The following NPAS3 variants were observed in gnomAD, a reference collection of about 807,000 sequenced individuals.
NPAS3 encodes the protein neuronal PAS domain protein 3.
Under a neutral mutation model 73.1 loss-of-function variants are expected in NPAS3, and 14 were observed. That is an observed-to-expected ratio of 0.19 (90% CI 0.13 to 0.30). The LOEUF (loss-of-function observed/expected upper bound fraction) is 0.30. Among genes scored for constraint, NPAS3 ranks in the 10% least tolerant of loss-of-function variants. NPAS3 has a pLI of 1.00. For synonymous variants in NPAS3, 620 were observed against 541.5 expected, an observed-to-expected ratio of 1.14 and a Z score of -2.01; for missense variants, 1,096 against 1,250.0, an observed-to-expected ratio of 0.88 and a Z score of 1.86.
chr14:33,273,770 G>A (rs1056443691), intron 3 of NPAS3, among the ~76,000 whole-genome samples: 3 of 152,104 alleles, frequency 2.0e-5, no homozygotes, highest in Non-Finnish European at 4.4e-5. Flanking sequence ...TGAAGGCAGG[G>A]GTACTTGTTT....
chr14:33,756,350 C>T (rs190066271), intron 7 of NPAS3, among the ~76,000 whole-genome samples: 274 of 152,194 alleles, frequency 1.8e-3, no homozygotes, highest in African/African-American at 6.3e-3. Context: ...GTTGTATTCA[C>T]GAAGTAACTA....
intron 4 of NPAS3, among the ~76,000 whole-genome samples, chr14:33,554,801 T>G (rs987263453): frequency 6.6e-6 from 1 of 152,160 alleles, no homozygotes; most frequent in Non-Finnish European, 1.5e-5. Context: ...GAGGCAAAAC[T>G]CCTTTGACAA....
At chr14:33,022,874 G>C (rs930494563) in intron 1 of NPAS3, among the ~76,000 whole-genome samples, 7 of 151,864 alleles carry the variant, frequency 4.6e-5, no homozygotes, top group African/African-American at 1.5e-4. Context: ...GTAAGTTTTT[G>C]TTCTGTGGTT....
intron 5 of NPAS3, among the ~76,000 whole-genome samples, chr14:33,636,960 G>T (rs2058538668): frequency 6.6e-6 from 1 of 151,228 alleles, no homozygotes; most frequent in African/African-American, 2.4e-5. Flanking sequence ...TAACAGAATT[G>T]GTCTATCTGC....
chr14:33,726,275 T>C (rs757549104), intron 6 of NPAS3, among the ~76,000 whole-genome samples: 11 of 152,212 alleles, frequency 7.2e-5, no homozygotes, highest in Non-Finnish European at 1.5e-4. Context: ...TTGGACACTC[T>C]GATCAATCAT....
intron 3 of NPAS3, among the ~76,000 whole-genome samples, chr14:33,285,478 G>A (rs2041837146): frequency 6.6e-6 from 1 of 152,154 alleles, no homozygotes; most frequent in East Asian, 1.9e-4. Context: ...TCTCTGGAAT[G>A]GCAGATGGGG....
intron 2 of NPAS3, among the ~76,000 whole-genome samples, chr14:33,164,322 C>T (rs748304166): frequency 2.0e-5 from 3 of 152,118 alleles, no homozygotes; most frequent in Admixed American, 6.5e-5. Context: ...GAAGAAGCTT[C>T]ACTTATCAGA....
At chr14:33,778,596 A>ATGGGT in intron 9 of NPAS3, 24 bp downstream of exon 9, 1 of 1,510,760 alleles carries the variant, frequency 6.6e-7, no homozygotes. Context: ...GTGTGGGGGA[A>ATGGGT]TAACCCCGGC....
At chr14:33,175,517 T>G (rs923049488) in intron 2 of NPAS3, among the ~76,000 whole-genome samples, 16 of 152,216 alleles carry the variant, frequency 1.1e-4, no homozygotes, top group African/African-American at 3.9e-4. Context: ...AGTGTTAAAA[T>G]GGTTATAGGA....
In NPAS3 at chr14:33,790,349, C is replaced by A. The variant is rs1243854455; in HGVS notation, c.1154-3548C>A. Among the ~76,000 whole-genome samples the A allele has an allele frequency of 4.6e-5, 7 of 152,210 alleles. 1 individual carries two copies. The highest frequency in any genetic ancestry group is 1.0e-4 in the Non-Finnish European group (7 of 68,042). On this transcript the variant is annotated intron_variant, in intron 9 of 11. Coordinates refer to ENST00000356141, the Ensembl canonical transcript of NPAS3. The stretch of plus-strand genomic sequence containing the variant: ...CCTAAAACTTGAAAATAAAAAACAA[C>A]AGCCACTGGATTGAAGAGAATCAAA...
chr14:33,774,445 C>G lies in NPAS3; in HGVS notation c.961C>G (p.Pro321Ala), dbSNP rs183364753. ...GGTTGTTGCGCATGCCTTGCCTCCC[C>G]CTACGATCAATGAAGTCAGAATTGA... is the stretch of plus-strand genomic sequence containing the variant. Residue 321 changes from proline to alanine, a missense_variant, in exon 8 of 12, where the codon CCT becomes GCT. Around this residue, in one of 5 missense-constraint regions of NPAS3, gnomAD observed 215 missense variants for 260.0 expected, o/e 0.83. Transcript: ENST00000356141. 3.7e-5 allele frequency: 60 copies of G among 1,614,174 alleles called. No individual in the cohort carries two copies. The East Asian group carries it at 5.6e-4, about 15-fold the overall frequency.
At chr14:33,578,104 C>A (rs2056515299) in intron 5 of NPAS3, 1 of 454,804 alleles carries the variant, frequency 2.2e-6, no homozygotes, top group Non-Finnish European at 4.4e-6. Flanking sequence ...TTACTGCTCA[C>A]AGATCCCTTT....
chr14:33,321,235 A>C (rs145322059), intron 3 of NPAS3, among the ~76,000 whole-genome samples: 100 of 152,274 alleles, frequency 6.6e-4, no homozygotes, highest in African/African-American at 2.1e-3. Flanking sequence ...TTAGTTCAAA[A>C]TAACTTCAAG....
chr14:33,750,403 C>T (rs374147359), intron 7 of NPAS3, among the ~76,000 whole-genome samples: 137 of 152,164 alleles, frequency 9.0e-4, no homozygotes, highest in African/African-American at 3.0e-3. Context: ...GAAAGCTGAA[C>T]GAGGCATATG....
intron 4 of NPAS3, among the ~76,000 whole-genome samples, chr14:33,530,723 G>A (rs915887746): frequency 2.0e-5 from 3 of 151,916 alleles, no homozygotes; most frequent in South Asian, 2.1e-4. Flanking sequence ...CTTCAAACTG[G>A]GTCCAAGGGT....
At chr14:33,186,237 A>G (rs1358197360) in intron 2 of NPAS3, among the ~76,000 whole-genome samples, 1 of 152,214 alleles carries the variant, frequency 6.6e-6, no homozygotes, top group Admixed American at 6.5e-5. Context: ...TCTGCAGTAT[A>G]AGTACACTCT....
intron 2 of NPAS3, among the ~76,000 whole-genome samples, chr14:33,102,378 G>T (rs1007193426): frequency 6.6e-6 from 1 of 152,082 alleles, no homozygotes; most frequent in Non-Finnish European, 1.5e-5. Context: ...GAACACCTGG[G>T]TTCAAATCAT....
In NPAS3 at chr14:33,076,559, TG is replaced by T. The variant is rs1257279465; in HGVS notation, c.140+20566del. On this transcript the variant is annotated intron_variant, in intron 2 of 11. Transcript: ENST00000356141. Reference sequence around the variant, plus strand: ...CATGTCACTGAAAAACTGTGATTTTTGCCTTAGCTCAACGGAGCAGCAAGAT... The same window carrying T: ...CATGTCACTGAAAAACTGTGATTTTTCCTTAGCTCAACGGAGCAGCAAGAT... 3.3e-5 allele frequency among the ~76,000 whole-genome samples: 5 copies of T among 152,360 alleles called. No individual in the cohort carries two copies. In the East Asian group the frequency reaches 7.7e-4, roughly 24 times the overall value.
chr14:33,803,774 G>C (rs553406879), downstream of NPAS3: 1 of 150,582 alleles, frequency 6.6e-6, no homozygotes, highest in African/African-American at 2.4e-5. Flanking sequence ...ACTATTTCTT[G>C]TACAAATATA....
Sources: allele counts gnomAD v4.1 joint callset (sites outside exome capture counted in the v4.1 genomes callset), GRCh38; gene constraint gnomAD v4.1.1; regional missense constraint gnomAD v4.1.1; transcripts MANE v1.5; gene names NCBI Gene and HGNC (gene_info 2026-07-23, HGNC 2026-07-21).